Variants in RBPMS2 observed in about 807,000 individuals in gnomAD.
RBPMS2 encodes the protein RNA binding protein, mRNA processing factor 2, also known as RNA-binding protein with multiple splicing 2.
In RBPMS2, 14 loss-of-function variants were observed where a neutral mutation model predicts 25.7. That is an observed-to-expected ratio of 0.55 (90% CI 0.36 to 0.85). The LOEUF (loss-of-function observed/expected upper bound fraction) is 0.85, where lower values mean the gene tolerates loss of function less well. RBPMS2 is among the 40% of genes least tolerant of loss of function. The pLI, the probability that RBPMS2 is intolerant of heterozygous loss-of-function variation, is 0.01. For synonymous variants in RBPMS2, 127 were observed against 115.6 expected (o/e 1.10, Z -0.63); for missense variants, 252 against 283.4 (o/e 0.89, Z 0.80).
chr15:64,756,901 C>G (rs2083736575), intron 1 of RBPMS2, among the ~76,000 whole-genome samples: 2 of 150,026 alleles, frequency 1.3e-5, no homozygotes. Context: ...TCCCTGACCT[C>G]AAGTGATCCG....
At chr15:64,748,682 C>T in intron 5 of RBPMS2, 115 bp from the exon 6 acceptor site, 8 of 1,297,292 alleles carry the variant, frequency 6.2e-6, no homozygotes, top group Non-Finnish European at 8.3e-6. Context: ...CCAGACCACC[C>T]CCAACCACAG....
At position 64,748,651 on chromosome 15, in the gene RBPMS2, G is replaced by A. The variant is rs941672299; in HGVS notation, c.419-84C>T. 6 of 1,463,940 alleles carry A rather than the reference G, an allele frequency of 4.1e-6. No individual in the cohort carries two copies. In the African/African-American group the frequency reaches 5.7e-5, roughly 14 times the overall value. The allele number at this position is 1,463,940 out of a possible 1,614,324, so 90.7% of individuals were successfully genotyped here. ...GAAGGGGACCCAGCACTATGGTTGA[G>A]CCATATGCCCCACACTGAGGCCAGA... On this transcript the variant is annotated intron_variant, in intron 5 of 7. Transcript: ENST00000300069.
intron 1 of RBPMS2, among the ~76,000 whole-genome samples, chr15:64,768,729 C>A (rs2083868327): frequency 6.7e-6 from 1 of 149,392 alleles, no homozygotes; most frequent in Non-Finnish European, 1.5e-5. Context: ...CCCAGGAGAT[C>A]GAGGCTGCTG....
chr15:64,746,674 G>A (rs1205122739), intron 6 of RBPMS2, among the ~76,000 whole-genome samples: 1 of 152,206 alleles, frequency 6.6e-6, no homozygotes, highest in Non-Finnish European at 1.5e-5. Context: ...ACCCCCACCT[G>A]GCTGGGCAGA....
At chr15:64,758,624 C>G (rs1279845894) in intron 1 of RBPMS2, among the ~76,000 whole-genome samples, 1 of 152,218 alleles carries the variant, frequency 6.6e-6, no homozygotes, top group Non-Finnish European at 1.5e-5. Context: ...AGTGCCAGGC[C>G]TACCTAGGGG....
chr15:64,743,309 C>T (rs2083581436), intron 6 of RBPMS2, among the ~76,000 whole-genome samples: 2 of 152,252 alleles, frequency 1.3e-5, no homozygotes, highest in South Asian at 2.1e-4. Context: ...GGATCCTGCC[C>T]TACACTCTCG....
At chr15:64,748,187 G>C (rs1297002858) in intron 6 of RBPMS2, among the ~76,000 whole-genome samples, 1 of 152,084 alleles carries the variant, frequency 6.6e-6, no homozygotes, top group Admixed American at 6.6e-5. Context: ...ACCACAGCTG[G>C]GCTGCCTGGC....
At chr15:64,750,413 G>A (rs1567064940) in intron 2 of RBPMS2, 32 bp from the exon 3 acceptor site, 2 of 1,603,160 alleles carry the variant, frequency 1.2e-6, no homozygotes, top group Non-Finnish European at 1.7e-6. Flanking sequence ...ACCGTGGAAG[G>A]TCAGAAGCGT....
rs921818330 is a variant in RBPMS2 at position 64,747,741 on chromosome 15, T to C, written c.567+678A>G. 2.4e-4 allele frequency among the ~76,000 whole-genome samples: 37 copies of C among 152,120 alleles called. 1 individual carries two copies. The highest frequency in any genetic ancestry group is 1.3e-3 in the Admixed American group (20 of 15,272). Reference sequence around the variant, plus strand: ...GAAAGCCTGACTCCCTGCCTGCCCATTGGGCACCCAGCCCAGCACCCCACA... The same window carrying C: ...GAAAGCCTGACTCCCTGCCTGCCCACTGGGCACCCAGCCCAGCACCCCACA... On this transcript the variant is annotated intron_variant, in intron 6 of 7. Coordinates refer to ENST00000300069, the MANE Select transcript of RBPMS2 (RefSeq NM_194272.3).
At chr15:64,743,447 G>A (rs1407090595) in intron 6 of RBPMS2, among the ~76,000 whole-genome samples, 1 of 152,258 alleles carries the variant, frequency 6.6e-6, no homozygotes. Flanking sequence ...TGAAGCAGAC[G>A]GAATGCATTT....
In RBPMS2 at chr15:64,762,849, T is replaced by C. The variant is rs541137040; in HGVS notation, c.88-11211A>G. Reference sequence around the variant, plus strand: ...TCCATCTGCTCAGAGCTTCAGTGACTCCTTCTGCACACAAGGTGGCAAAGA... The same window carrying C: ...TCCATCTGCTCAGAGCTTCAGTGACCCCTTCTGCACACAAGGTGGCAAAGA... On this transcript the variant is annotated intron_variant, in intron 1 of 7. Coordinates refer to ENST00000300069, the MANE Select transcript of RBPMS2 (RefSeq NM_194272.3). Among the ~76,000 whole-genome samples the C allele has an allele frequency of 1.2e-4, 18 of 152,246 alleles. 1 individual carries two copies. Among genetic ancestry groups the C allele is most frequent in the Admixed American group, 9.2e-4 (14 of 15,278 alleles).
chr15:64,771,551 C>T (rs1211000917), intron 1 of RBPMS2, among the ~76,000 whole-genome samples: 2 of 151,590 alleles, frequency 1.3e-5, no homozygotes, highest in Admixed American at 6.6e-5. Flanking sequence ...GGCATGGTGG[C>T]GTGCACCTGC....
At chr15:64,758,598 G>C (rs528520928) in intron 1 of RBPMS2, among the ~76,000 whole-genome samples, 1 of 152,348 alleles carries the variant, frequency 6.6e-6, no homozygotes, top group Non-Finnish European at 1.5e-5. Flanking sequence ...ACCCAGCCCT[G>C]CTGGAGGTCC....
At chr15:64,775,097 G>C in intron 1 of RBPMS2, 136 bp downstream of exon 1, 1 of 377,418 alleles carries the variant, frequency 2.6e-6, no homozygotes, top group South Asian at 1.3e-4. Flanking sequence ...TCCTACCCGG[G>C]CGAGAGGGCA....
intron 5 of RBPMS2, 104 bp downstream of exon 5, chr15:64,748,896 G>T (rs1318556604): frequency 1.5e-6 from 2 of 1,336,140 alleles, no homozygotes; most frequent in Non-Finnish European, 2.1e-6. Context: ...GGGTGGCCGT[G>T]GACACAAAAA....
At chr15:64,757,439 T>C (rs984168115) in intron 1 of RBPMS2, among the ~76,000 whole-genome samples, 11 of 152,100 alleles carry the variant, frequency 7.2e-5, no homozygotes, top group South Asian at 2.1e-4. Flanking sequence ...CTTATTAAGG[T>C]TGTCTACTGA....
At chr15:64,773,544 T>C (rs185276464) in intron 1 of RBPMS2, among the ~76,000 whole-genome samples, 19 of 152,278 alleles carry the variant, frequency 1.2e-4, no homozygotes, top group Admixed American at 6.5e-4. Flanking sequence ...AAAAGGTACT[T>C]AGAAAGGAGT....
intron 1 of RBPMS2, among the ~76,000 whole-genome samples, chr15:64,773,186 G>T (rs78559175): frequency 6.6e-6 from 1 of 152,184 alleles, no homozygotes; most frequent in Non-Finnish European, 1.5e-5. Context: ...TTGCTCTTAG[G>T]GGCTGCAGAA....
intron 1 of RBPMS2, among the ~76,000 whole-genome samples, chr15:64,756,567 C>T (rs1346711214): frequency 6.7e-6 from 1 of 150,364 alleles, no homozygotes; most frequent in African/African-American, 2.4e-5. Context: ...CTGGAGTTTG[C>T]TTCCTAGCTT....
Sources: gnomAD v4.1 joint callset for allele counts (sites outside exome capture counted in the v4.1 genomes callset) on GRCh38, gnomAD v4.1.1 for gene constraint, MANE v1.5 for transcripts, NCBI Gene and HGNC (gene_info 2026-07-23, HGNC 2026-07-21) for gene names.